CCSER1: variants seen among roughly 807,000 people sequenced by gnomAD.
The protein encoded by CCSER1 is coiled-coil serine rich protein 1.
In CCSER1, 41 loss-of-function variants were observed where a neutral mutation model predicts 82.0. The observed-to-expected ratio is 0.50, with a 90% CI of 0.39 to 0.65. The LOEUF (loss-of-function observed/expected upper bound fraction) is 0.65. CCSER1 is among the 30% of genes least tolerant of loss of function. The pLI is 0.00. For missense variants in CCSER1, 1,119 were observed against 1,064.2 expected (o/e 1.05, Z -0.72); for synonymous variants, 414 against 383.9 (o/e 1.08, Z -0.92).
In CCSER1 at chr4:90,862,377, A is replaced by C. The variant is rs192621630; in HGVS notation, c.2094+46532A>C. 3.2e-3 allele frequency among the ~76,000 whole-genome samples: 481 copies of C among 152,058 alleles called. 3 individuals carry two copies. The highest frequency in any genetic ancestry group is 0.011 in the African/African-American group (456 of 41,518). On this transcript the variant is annotated intron_variant, in intron 8 of 10. Transcript: ENST00000509176. ...AATGAAAGTCAATTACTCTCTAATG[A>C]AGCATTTCAAAAGCATTTTGGCCAT...
intron 10 of CCSER1, among the ~76,000 whole-genome samples, chr4:91,597,269 T>C (rs989221723): frequency 6.6e-6 from 1 of 152,058 alleles, no homozygotes. Flanking sequence ...AGAGTGAATA[T>C]ATGAGAGCAA....
chr4:90,801,530 T>A (rs147274068), intron 7 of CCSER1, among the ~76,000 whole-genome samples: 88 of 152,316 alleles, frequency 5.8e-4, no homozygotes, highest in African/African-American at 2.0e-3. Flanking sequence ...ACATTCTTCC[T>A]CAATTGCTTG....
intron 1 of CCSER1, among the ~76,000 whole-genome samples, chr4:90,140,501 A>T (rs1724535748): frequency 6.6e-6 from 1 of 152,182 alleles, no homozygotes; most frequent in Non-Finnish European, 1.5e-5. Context: ...TTATTGAATT[A>T]AAAATTTTTT....
chr4:91,357,338 G>A (rs532426100), intron 10 of CCSER1, among the ~76,000 whole-genome samples: 233 of 152,204 alleles, frequency 1.5e-3, no homozygotes, highest in African/African-American at 5.5e-3. Flanking sequence ...TGACCATAAG[G>A]TAAGATTTTA....
At chr4:90,537,589 TG>T (rs1397927668) in intron 5 of CCSER1, among the ~76,000 whole-genome samples, 1 of 152,208 alleles carries the variant, frequency 6.6e-6, no homozygotes, top group African/African-American at 2.4e-5. Context: ...TCCTGCATTG[TG>T]TTTTAACTTA....
chr4:91,427,566 G>A (rs1031211654), intron 10 of CCSER1, among the ~76,000 whole-genome samples: 2 of 152,030 alleles, frequency 1.3e-5, no homozygotes. Context: ...GTAGGCAGAG[G>A]GCCAGCTTCA....
chr4:91,144,884 T>G (rs1729397181), intron 10 of CCSER1, among the ~76,000 whole-genome samples: 1 of 152,140 alleles, frequency 6.6e-6, no homozygotes, highest in African/African-American at 2.4e-5. Context: ...TGGCCCAGAC[T>G]GTTGTCAGTC....
intron 1 of CCSER1, among the ~76,000 whole-genome samples, chr4:90,136,459 C>G (rs1009317118): frequency 2.4e-4 from 36 of 152,198 alleles, no homozygotes; most frequent in Non-Finnish European, 1.5e-5. Flanking sequence ...CAAATTCAGA[C>G]TAAGTTGTTG....
intron 5 of CCSER1, among the ~76,000 whole-genome samples, chr4:90,498,175 T>C (rs28436952): frequency 0.033 from 4,983 of 152,232 alleles, 135 homozygotes; most frequent in Non-Finnish European, 0.051. Context: ...TAGATACTTA[T>C]GATAAAATGT....
At chr4:90,485,312 G>A (rs113015244) in intron 5 of CCSER1, among the ~76,000 whole-genome samples, 2,126 of 152,240 alleles carry the variant, frequency 0.014, 16 homozygotes, top group Middle Eastern at 0.024. Flanking sequence ...TCCCTGACCC[G>A]TTGCACTTCC....
At chr4:90,959,487 C>A (rs555515113) in intron 9 of CCSER1, among the ~76,000 whole-genome samples, 1 of 152,254 alleles carries the variant, frequency 6.6e-6, no homozygotes, top group South Asian at 2.1e-4. Flanking sequence ...GTAAGTGGCA[C>A]ACCTGAGTTT....
intron 1 of CCSER1, among the ~76,000 whole-genome samples, chr4:90,280,563 A>G (rs1346730594): frequency 6.6e-6 from 1 of 151,932 alleles, no homozygotes; most frequent in African/African-American, 2.4e-5. Context: ...TTTAATAATT[A>G]AATTGTATGG....
intron 7 of CCSER1, among the ~76,000 whole-genome samples, chr4:90,792,951 G>A (rs1755475280): frequency 6.6e-6 from 1 of 152,130 alleles, no homozygotes. Flanking sequence ...AGTGTTTGGA[G>A]TGCAGATGTT....
In CCSER1 at chr4:90,932,998, A is replaced by AAGAAAGAAAGAAAG. The variant is rs1730288188; in HGVS notation, c.2172+9553_2172+9566dup. On this transcript the variant is annotated intron_variant, in intron 9 of 10. Transcript: ENST00000509176. ...AGAAAGAAAGAGAAAGAAAGAAAGAAAGAAAGAAAGAAAGAAAGAAAGAAA... is the reference window on the plus strand; with the variant it reads ...AGAAAGAAAGAGAAAGAAAGAAAGAAAGAAAGAAAGAAAGAGAAAGAAAGAAAGAAAGAAAGAAA... Among the ~76,000 whole-genome samples the AAGAAAGAAAGAAAG allele has an allele frequency of 4.2e-5, 3 of 72,036 alleles. 1 individual carries two copies. Among genetic ancestry groups the AAGAAAGAAAGAAAG allele is most frequent in the Non-Finnish European group, 7.4e-5 (3 of 40,302 alleles). The allele number at this position is 72,036 out of a possible 152,430, so 47.3% of individuals were successfully genotyped here. A position where few individuals can be genotyped will look rare whatever the true frequency, so the allele number is the denominator to read the frequency against.
chr4:90,648,321 G>GAA (rs1238582612), intron 6 of CCSER1, among the ~76,000 whole-genome samples: 1 of 151,062 alleles, frequency 6.6e-6, no homozygotes, highest in Non-Finnish European at 1.5e-5. Context: ...AAGAAAGAAA[G>GAA]AAAGAAAGAA....
chr4:90,524,461 T>C (rs1773501313), intron 5 of CCSER1, among the ~76,000 whole-genome samples: 2 of 152,104 alleles, frequency 1.3e-5, no homozygotes, highest in South Asian at 4.1e-4. Flanking sequence ...AGATTGTTTT[T>C]TTTGTTGTTG....
intron 5 of CCSER1, among the ~76,000 whole-genome samples, chr4:90,479,087 C>T (rs1765516866): frequency 6.6e-6 from 1 of 151,972 alleles, no homozygotes; most frequent in African/African-American, 2.4e-5. Context: ...ATCTGACACA[C>T]TGTGAAATCA....
At chr4:91,153,637 G>C (rs1447765495) in intron 10 of CCSER1, among the ~76,000 whole-genome samples, 1 of 151,742 alleles carries the variant, frequency 6.6e-6, no homozygotes, top group African/African-American at 2.4e-5. Context: ...CCATCTTTGT[G>C]GTTTTATCTA....
chr4:91,052,122 C>T (rs1257632870), intron 9 of CCSER1, among the ~76,000 whole-genome samples: 1 of 151,726 alleles, frequency 6.6e-6, no homozygotes, highest in Non-Finnish European at 1.5e-5. Flanking sequence ...GGAAAAAATG[C>T]CTTTTTTACA....
Sources: allele counts gnomAD v4.1 joint callset (sites outside exome capture counted in the v4.1 genomes callset), GRCh38; gene constraint gnomAD v4.1.1; transcripts MANE v1.5; gene names NCBI Gene and HGNC (gene_info 2026-07-23, HGNC 2026-07-21).